CHD4: variants seen among roughly 807,000 people sequenced by gnomAD.
CHD4 encodes ATP-dependent chromatin remodeler CHD4.
In CHD4, 35 loss-of-function variants were observed where a neutral mutation model predicts 235.5. That is an observed-to-expected ratio of 0.15 (90% CI 0.11 to 0.20). The LOEUF (loss-of-function observed/expected upper bound fraction) is 0.20, where lower values mean the gene tolerates loss of function less well. CHD4 is among the 10% of genes least tolerant of loss of function. CHD4 has a pLI of 1.00. For synonymous variants in CHD4, 900 were observed against 850.2 expected, an observed-to-expected ratio of 1.06 and a Z score of -1.02; for missense variants, 1,329 against 2,432.3, an observed-to-expected ratio of 0.55 and a Z score of 9.54.
intron 9 of CHD4, 37 bp downstream of exon 9, chr12:6,600,180 C>T (rs1323336092): frequency 6.2e-7 from 1 of 1,608,536 alleles, no homozygotes; most frequent in East Asian, 2.2e-5. Flanking sequence ...CCCTTCTTCT[C>T]ATGGGTTCCA....
At chr12:6,594,717 G>A in intron 14 of CHD4, 67 bp from the exon 15 acceptor site, 4 of 1,434,670 alleles carry the variant, frequency 2.8e-6, no homozygotes, top group East Asian at 2.3e-5. Flanking sequence ...TAGAGCAGCT[G>A]CTTCCTCCTC....
chr12:6,598,276 A>C lies in CHD4; in HGVS notation c.1632T>G (p.Phe544Leu), dbSNP rs778787649. The C allele has an allele frequency of 6.2e-7, 1 of 1,614,004 alleles. No individual in the cohort carries two copies. Among genetic ancestry groups the C allele is most frequent in the South Asian group, 1.1e-5 (1 of 91,058 alleles). Residue 544 changes from phenylalanine to leucine, a missense_variant, in exon 11 of 40, where the codon TTT becomes TTG. Physicochemically the swap from Phe to Leu is conservative, Grantham distance 22. Transcript: ENST00000544040. Reference protein sequence around the residue: ...PLEGRPERQFFVKWQGMSYWH... With the variant: ...PLEGRPERQFLVKWQGMSYWH... ...AGTAAGACATGCCTTGCCATTTCAC[A>C]AAGAACTGCCGCTCTGGCCGCCCCT...
At chr12:6,572,977 A>C in intron 38 of CHD4, 97 bp downstream of exon 38, 5 of 1,240,292 alleles carry the variant, frequency 4.0e-6, no homozygotes, top group Non-Finnish European at 1.1e-6. Context: ...CTCCCAGACA[A>C]AGGAGCTCTG....
chr12:6,598,182 T>TC, intron 11 of CHD4, 40 bp downstream of exon 11: 1 of 1,609,402 alleles, frequency 6.2e-7, no homozygotes, highest in Non-Finnish European at 8.5e-7. Flanking sequence ...ACTATCCTCT[T>TC]CATCGTAGCC....
Position 6,601,272 on chromosome 12 carries a change from T to A in CHD4, c.799+17A>T. ...CCCACACTAGACACCCCCACTCCCA[T>A]TTGAACCCCATTTCACCTTTGCCCT... On this transcript the variant is annotated intron_variant, in intron 6 of 39. Transcript: ENST00000544040. 1 of 1,610,938 alleles carries A rather than the reference T, an allele frequency of 6.2e-7. No homozygotes were observed. The highest frequency in any genetic ancestry group is 8.5e-7 in the Non-Finnish European group (1 of 1,177,668).
In CHD4 at chr12:6,587,562, A is replaced by G. The variant is rs748416883; in HGVS notation, c.3704-3T>C. On this transcript the variant is annotated splice_region_variant and splice_polypyrimidine_tract_variant and intron_variant, in intron 24 of 39. Transcript: ENST00000544040. ...TTCTCCCTCTTTGTTGTCTCCTCCTATAAAAAATCAAGGGCCCACATCCCC... is the reference window on the plus strand; with the variant it reads ...TTCTCCCTCTTTGTTGTCTCCTCCTGTAAAAAATCAAGGGCCCACATCCCC... 8.7e-6 allele frequency: 14 copies of G among 1,613,414 alleles called. No individual in the cohort carries two copies. The South Asian group carries it at 8.8e-5, about 10-fold the overall frequency.
chr12:6,597,314 T>C (rs1376155195), intron 12 of CHD4, among the ~76,000 whole-genome samples: 2 of 150,358 alleles, frequency 1.3e-5, no homozygotes, highest in African/African-American at 2.4e-5. Context: ...GATAATAACA[T>C]GAAGTGTCAG....
chr12:6,604,040 G>A (rs1948645631), intron 2 of CHD4, among the ~76,000 whole-genome samples: 1 of 152,198 alleles, frequency 6.6e-6, no homozygotes, highest in African/African-American at 2.4e-5. Flanking sequence ...CACTCTGGGA[G>A]GCTGAGGCGG....
chr12:6,580,962 G>C lies in CHD4; in HGVS notation c.4909+82C>G. 7 of 1,509,606 alleles carry C rather than the reference G, an allele frequency of 4.6e-6. No individual in the cohort carries two copies. In the South Asian group the frequency reaches 6.1e-5, roughly 13 times the overall value. The allele number at this position is 1,509,606 out of a possible 1,614,324, so 93.5% of individuals were successfully genotyped here. On this transcript the variant is annotated intron_variant, in intron 33 of 39. Coordinates refer to ENST00000544040, the MANE Select transcript of CHD4 (RefSeq NM_001273.5). ...GTGGAGGTTGCAGTAAGCCAAGATC[G>C]CGCCACAGCACTCCAGCCTGGCGGC...
intron 25 of CHD4, among the ~76,000 whole-genome samples, chr12:6,584,893 A>G (rs1361268715): frequency 1.3e-5 from 2 of 152,242 alleles, no homozygotes; most frequent in East Asian, 3.8e-4. Context: ...TGAGCATTCT[A>G]TCAATAGGGT....
At chr12:6,602,653 G>T (rs1361779644) in intron 2 of CHD4, among the ~76,000 whole-genome samples, 156 bp from the exon 3 acceptor site, 2 of 152,190 alleles carry the variant, frequency 1.3e-5, no homozygotes, top group Non-Finnish European at 2.9e-5. Context: ...CTGATACCCA[G>T]GACAAAAACA....
At chr12:6,601,591 TAAG>T (rs1305184314) in intron 5 of CHD4, 54 bp downstream of exon 5, 42 of 1,612,978 alleles carry the variant, frequency 2.6e-5, no homozygotes, top group Non-Finnish European at 3.4e-5. Context: ...GAAAGAGAAG[TAAG>T]AAGAGAGAAC....
Position 6,581,031 on chromosome 12 carries a change from T to G in CHD4, c.4909+13A>C, listed in dbSNP as rs748239977. 28 of 1,611,934 alleles carry G rather than the reference T, an allele frequency of 1.7e-5. 1 individual carries two copies. Among genetic ancestry groups the G allele is most frequent in the Non-Finnish European group, 2.0e-5 (24 of 1,179,558 alleles). ...AACAAACAAACAAACAAAAAAAATG[T>G]GGATACCTTTACCTTTGGGCTCTGT... On this transcript the variant is annotated intron_variant, in intron 33 of 39. Transcript: ENST00000544040.
Position 6,606,182 on chromosome 12 carries a change from G to A in CHD4, c.100+92C>T. 3 of 843,158 alleles carry A rather than the reference G, an allele frequency of 3.6e-6. No homozygotes were observed. In the South Asian group the frequency reaches 5.1e-5, roughly 14 times the overall value. The allele number at this position is 843,158 out of a possible 1,614,324, so 52.2% of individuals were successfully genotyped here. A position where few individuals can be genotyped will look rare whatever the true frequency, so the allele number is the denominator to read the frequency against. On this transcript the variant is annotated intron_variant, in intron 2 of 39. Coordinates refer to ENST00000544040, the MANE Select transcript of CHD4 (RefSeq NM_001273.5). ...CCACCTCCGGCTCTGCACAGAGACAGCGGAGCAACACAGCCCTGCCTCACC... is the reference window on the plus strand; with the variant it reads ...CCACCTCCGGCTCTGCACAGAGACAACGGAGCAACACAGCCCTGCCTCACC...
intron 25 of CHD4, among the ~76,000 whole-genome samples, chr12:6,584,993 G>A (rs1202518641): frequency 3.3e-5 from 5 of 152,124 alleles, no homozygotes; most frequent in Non-Finnish European, 2.9e-5. Flanking sequence ...CATTACCTTC[G>A]AGAACAAAAT....
rs1157003426 is a variant in CHD4 at position 6,583,043 on chromosome 12, A to G, written c.4131T>C (p.Phe1377=). ...AGCCCTCACCTTCTGAACGTTCATC[A>G]AAGTCTTCATCACCTTCCTCTGAAG... is the stretch of plus-strand genomic sequence containing the variant. ...SVASEEGDED[F]DERSEAPRRP... Residue 1377 remains phenylalanine (F), a synonymous_variant, in exon 27 of 40, where the codon TTT becomes TTC. Transcript: ENST00000544040. The G allele has an allele frequency of 3.2e-6, 5 of 1,571,056 alleles. No individual in the cohort carries two copies. The highest frequency in any genetic ancestry group is 2.4e-5 in the South Asian group (2 of 83,206).
In CHD4 at chr12:6,600,679, TG is replaced by T. The variant is rs1189966348; in HGVS notation, c.928-11del. ...AGTCATCATCCTCACTCTGGCAGGA[TG>T]AAAAAGAATAAGGTTAGACGTTCAA... On this transcript the variant is annotated splice_polypyrimidine_tract_variant and intron_variant, in intron 7 of 39. Coordinates refer to ENST00000544040, the MANE Select transcript of CHD4 (RefSeq NM_001273.5). 6.2e-7 allele frequency: 1 copy of T among 1,613,414 alleles called. No homozygotes were observed. Among genetic ancestry groups the T allele is most frequent in the Admixed American group, 1.7e-5 (1 of 59,840 alleles).
Position 6,599,869 on chromosome 12 carries a change from G to A in CHD4, c.1386C>T (p.Leu462=). The A allele has an allele frequency of 1.2e-6, 2 of 1,614,194 alleles. No individual in the cohort carries two copies. Among genetic ancestry groups the A allele is most frequent in the Non-Finnish European group, 1.7e-6 (2 of 1,180,034 alleles). ...CRVCKDGGEL[L]CCDTCPSSYH... Reference sequence around the variant, plus strand: ...AGGAAGAAGGACAGGTATCACAGCAGAGCAGTTCCCCACCATCCTTGCAGA... The same window carrying A: ...AGGAAGAAGGACAGGTATCACAGCAAAGCAGTTCCCCACCATCCTTGCAGA... The change falls in exon 10 of 40, where the codon CTC becomes CTT. Residue 462 remains leucine (L), a synonymous_variant. Coordinates refer to ENST00000544040, the MANE Select transcript of CHD4 (RefSeq NM_001273.5).
intron 2 of CHD4, among the ~76,000 whole-genome samples, 181 bp from the exon 3 acceptor site, chr12:6,602,678 T>C (rs1948618252): frequency 6.6e-6 from 1 of 152,172 alleles, no homozygotes; most frequent in South Asian, 2.1e-4. Flanking sequence ...AAGAGAGAGC[T>C]GTATATACCC....
Sources: gnomAD v4.1 joint callset for allele counts (sites outside exome capture counted in the v4.1 genomes callset) on GRCh38, gnomAD v4.1.1 for gene constraint, MANE v1.5 for transcripts, NCBI Gene and HGNC (gene_info 2026-07-23, HGNC 2026-07-21) for gene names.